Variants in FLRT2 observed in about 807,000 individuals in gnomAD.
FLRT2 encodes leucine-rich repeat transmembrane protein FLRT2.
FLRT2 carries 15 observed loss-of-function variants against 40.0 expected under a neutral mutation model. The ratio of observed to expected loss-of-function variants is 0.38; its 90% CI spans 0.25 to 0.58. The LOEUF is 0.58. FLRT2 is among the 20% of genes least tolerant of loss of function. FLRT2 has a pLI of 0.71. For missense variants in FLRT2, 726 were observed against 840.0 expected, an observed-to-expected ratio of 0.86 and a Z score of 1.68; for synonymous variants, 380 against 336.8, an observed-to-expected ratio of 1.13 and a Z score of -1.41.
chr14:85,614,587 G>A (rs939447257), intron 1 of FLRT2, among the ~76,000 whole-genome samples: 2 of 152,154 alleles, frequency 1.3e-5, no homozygotes, highest in South Asian at 2.1e-4. Flanking sequence ...GTGGTCAAAC[G>A]TTAGTGACTA....
rs1595106464 is a variant in FLRT2 at position 85,630,689 on chromosome 14, T to G, written c.*7192T>G. On this transcript the variant is annotated 3_prime_UTR_variant, in exon 2 of 2. Transcript: ENST00000330753. ...CTGGTCTCAAACTCCTGATCTTAGG[T>G]GATCCACCCACCTAGGCCTCCCAAA... The G allele has an allele frequency of 1.3e-5, 2 of 152,066 alleles. No homozygotes were observed. The highest frequency in any genetic ancestry group is 2.9e-5 in the Non-Finnish European group (2 of 68,052). The allele number at this position is 152,066 out of a possible 1,614,324, so 9.4% of individuals were successfully genotyped here.
rs376773191 is a variant in FLRT2, at chr14:85,612,041, T to A, written c.-376-9098T>A. 3.5e-4 allele frequency among the ~76,000 whole-genome samples: 36 copies of A among 101,472 alleles called. 1 individual carries two copies. Among genetic ancestry groups the A allele is most frequent in the South Asian group, 1.1e-3 (3 of 2,800 alleles). 66.6% of individuals were successfully genotyped at this position (101,472 alleles called of 152,430 possible). A position where few individuals can be genotyped will look rare whatever the true frequency, so the allele number is the denominator to read the frequency against. On this transcript the variant is annotated intron_variant, in intron 1 of 1. Transcript: ENST00000330753. ...CAAGGCCTGGGTGACATGGACTGAG[T>A]CAGAATGTAACTTACTTTTCAAAAA...
chr14:85,548,001 G>C (rs371865016), intron 1 of FLRT2, among the ~76,000 whole-genome samples: 19 of 152,336 alleles, frequency 1.2e-4, no homozygotes, highest in African/African-American at 4.6e-4. Flanking sequence ...AGTGAGCAGA[G>C]TGGTGACTGA....
In FLRT2 at chr14:85,651,643, T is replaced by A. The variant is rs535935426; in HGVS notation, c.*28146T>A. The A allele has an allele frequency of 2.2e-4, 33 of 152,106 alleles. No homozygotes were observed. Among genetic ancestry groups the A allele is most frequent in the Non-Finnish European group, 3.4e-4 (23 of 67,964 alleles). The allele number at this position is 152,106 out of a possible 1,614,324, so 9.4% of individuals were successfully genotyped here. ...TTTATTGCTTTAAACTCTATTTTGA[T>A]TGTTTTTAATCTGATCATACAGACT... is the stretch of plus-strand genomic sequence containing the variant. On this transcript the variant is annotated 3_prime_UTR_variant, in exon 2 of 2. Transcript: ENST00000330753.
At chr14:85,578,184 A>C (rs1891214765) in intron 1 of FLRT2, among the ~76,000 whole-genome samples, 1 of 140,888 alleles carries the variant, frequency 7.1e-6, no homozygotes, top group South Asian at 2.2e-4. Flanking sequence ...ATATCTTTAT[A>C]TATATTTATA....
intron 1 of FLRT2, among the ~76,000 whole-genome samples, chr14:85,531,439 C>T (rs1283216249): frequency 1.3e-5 from 2 of 152,106 alleles, no homozygotes; most frequent in African/African-American, 4.8e-5. Flanking sequence ...TGAAGGCTGC[C>T]GCGGTCTTTC....
rs1047997465 is a variant in FLRT2, at chr14:85,645,314, A to G, written c.*21817A>G. On this transcript the variant is annotated 3_prime_UTR_variant, in exon 2 of 2. Coordinates refer to ENST00000330753, the MANE Select transcript of FLRT2 (RefSeq NM_013231.6). ...TATATGTATATAGAAGTATATATAC[A>G]CATATAAATGTGTGCGTGTATATAT... 2.1e-4 allele frequency: 32 copies of G among 151,746 alleles called. No individual in the cohort carries two copies. Among genetic ancestry groups the G allele is most frequent in the African/African-American group, 7.0e-4 (29 of 41,202 alleles). The allele number at this position is 151,746 out of a possible 1,614,324, so 9.4% of individuals were successfully genotyped here.
At chr14:85,591,958 C>T (rs1453074290) in intron 1 of FLRT2, among the ~76,000 whole-genome samples, 2 of 152,020 alleles carry the variant, frequency 1.3e-5, no homozygotes, top group African/African-American at 4.8e-5. Flanking sequence ...TTTTAATATG[C>T]ATTTATGTCA....
At chr14:85,581,617 A>G (rs924132895) in intron 1 of FLRT2, among the ~76,000 whole-genome samples, 3 of 152,236 alleles carry the variant, frequency 2.0e-5, no homozygotes. Flanking sequence ...TTCTGGAATA[A>G]AAGATTAAAT....
intron 1 of FLRT2, among the ~76,000 whole-genome samples, chr14:85,613,739 G>A (rs575405892): frequency 6.6e-6 from 1 of 152,294 alleles, no homozygotes; most frequent in South Asian, 2.1e-4. Context: ...TCTGCCTAGA[G>A]CTTACAGAGA....
In FLRT2 at chr14:85,532,650, T is replaced by C. The variant is rs542767070; in HGVS notation, c.-377+2116T>C. On this transcript the variant is annotated intron_variant, in intron 1 of 1. Transcript: ENST00000330753. ...CCAGGTTGAAGGAAGAAAGTGGGGGTGTTTAAATTAATCCTATTAAATTTT... is the reference window on the plus strand; with the variant it reads ...CCAGGTTGAAGGAAGAAAGTGGGGGCGTTTAAATTAATCCTATTAAATTTT... Among the ~76,000 whole-genome samples the C allele has an allele frequency of 2.0e-5, 3 of 151,960 alleles. No homozygotes were observed. The South Asian group carries it at 6.3e-4, about 32-fold the overall frequency.
In FLRT2 at chr14:85,649,935, T is replaced by C. The variant is rs1358420412; in HGVS notation, c.*26438T>C. ...GCTATAGTATTTCATTATTTTTTAT[T>C]AGAAAATATTTTAATAACACAAGAA... On this transcript the variant is annotated 3_prime_UTR_variant, in exon 2 of 2. Coordinates refer to ENST00000330753, the MANE Select transcript of FLRT2 (RefSeq NM_013231.6). The C allele has an allele frequency of 6.6e-6, 1 of 152,048 alleles. No homozygotes were observed. Among genetic ancestry groups the C allele is most frequent in the Non-Finnish European group, 1.5e-5 (1 of 67,952 alleles). The allele number at this position is 152,048 out of a possible 1,614,324, so 9.4% of individuals were successfully genotyped here. A position where few individuals can be genotyped will look rare whatever the true frequency, so the allele number is the denominator to read the frequency against.
In FLRT2 at chr14:85,599,412, T is replaced by C. The variant is rs561471601; in HGVS notation, c.-376-21727T>C. Reference sequence around the variant, plus strand: ...CTACCAAAGATACAACATATTTCTCTTCCTAATTCTTAAAGCAACCATGTA... The same window carrying C: ...CTACCAAAGATACAACATATTTCTCCTCCTAATTCTTAAAGCAACCATGTA... On this transcript the variant is annotated intron_variant, in intron 1 of 1. Transcript: ENST00000330753. Among the ~76,000 whole-genome samples, 10 of 152,278 alleles carry C rather than the reference T, an allele frequency of 6.6e-5. 1 individual carries two copies. In the South Asian group the frequency reaches 1.9e-3, roughly 28 times the overall value.
At chr14:85,535,333 A>G (rs2139799063) in intron 1 of FLRT2, among the ~76,000 whole-genome samples, 1 of 142,364 alleles carries the variant, frequency 7.0e-6, no homozygotes, top group Non-Finnish European at 1.5e-5. Flanking sequence ...CTTAATAAAT[A>G]TCCAATGAAA....
intron 1 of FLRT2, among the ~76,000 whole-genome samples, chr14:85,560,171 C>T (rs10140105): frequency 0.83 from 126,281 of 152,186 alleles, 52,830 homozygotes; most frequent in African/African-American, 0.92. Context: ...TTACATCCTA[C>T]TGGGTGAGGT....
In FLRT2 at chr14:85,555,697, T is replaced by TTTTAG. The variant is rs1566725160; in HGVS notation, c.-377+25167_-377+25168insGTTTA. Among the ~76,000 whole-genome samples the TTTTAG allele has an allele frequency of 7.9e-5, 10 of 126,034 alleles. 1 individual carries two copies. Among genetic ancestry groups the TTTTAG allele is most frequent in the Admixed American group, 4.4e-4 (6 of 13,494 alleles). The allele number at this position is 126,034 out of a possible 152,430, so 82.7% of individuals were successfully genotyped here. On this transcript the variant is annotated intron_variant, in intron 1 of 1. Coordinates refer to ENST00000330753, the MANE Select transcript of FLRT2 (RefSeq NM_013231.6). Reference sequence around the variant, plus strand: ...TCTCTCTTATCTGAAATCTATTTTATTTTATTTTATTTTATTTTATTTTAT... The same window carrying TTTTAG: ...TCTCTCTTATCTGAAATCTATTTTATTTTAGTTTATTTTATTTTATTTTATTTTAT...
chr14:85,552,779 G>A (rs1167425730), intron 1 of FLRT2: 1 of 152,122 alleles, frequency 6.6e-6, no homozygotes, highest in African/African-American at 2.4e-5. Context: ...GATTTGGAGG[G>A]CTGATTATGG....
intron 1 of FLRT2, among the ~76,000 whole-genome samples, chr14:85,533,434 C>A (rs1250108796): frequency 6.6e-6 from 1 of 152,008 alleles, no homozygotes; most frequent in Non-Finnish European, 1.5e-5. Flanking sequence ...CGCGCAGCGC[C>A]GCACGCCCGG....
chr14:85,612,269 T>A (rs1892924281), intron 1 of FLRT2, among the ~76,000 whole-genome samples: 1 of 152,118 alleles, frequency 6.6e-6, no homozygotes, highest in Non-Finnish European at 1.5e-5. Context: ...ATTCTGGTTG[T>A]GTATAAACCT....
Sources: allele counts gnomAD v4.1 joint callset (sites outside exome capture counted in the v4.1 genomes callset), GRCh38; gene constraint gnomAD v4.1.1; transcripts MANE v1.5; gene names NCBI Gene and HGNC (gene_info 2026-07-23, HGNC 2026-07-21).